Variants in ZC4H2 observed in about 807,000 individuals in gnomAD.
ZC4H2 encodes the protein zinc finger C4H2 domain-containing protein.
For synonymous variants in ZC4H2, 84 were observed against 66.3 expected (o/e 1.27, Z -1.30); for missense variants, 137 against 173.9 (o/e 0.79, Z 1.19).
At chrX:65,005,792 A>AT (rs1352645792) in intron 1 of ZC4H2, among the ~76,000 whole-genome samples, 1 of 110,453 alleles carries the variant, frequency 9.1e-6, no homozygotes, top group Non-Finnish European at 1.9e-5. Context: ...ATGGGAGAGT[A>AT]TTTTTGCAAT....
chrX:64,919,271 C>T, intron 3 of ZC4H2, 67 bp from the exon 4 acceptor site: 1 of 1,145,447 alleles, frequency 8.7e-7, no homozygotes, highest in Non-Finnish European at 1.2e-6. Flanking sequence ...CTCTTAAAGA[C>T]TCCATGCCAT....
chrX:64,961,246 T>G (rs1931379111), intron 1 of ZC4H2, among the ~76,000 whole-genome samples: 1 of 111,778 alleles, frequency 8.9e-6, no homozygotes, highest in African/African-American at 3.2e-5. Context: ...TTTAACCAAA[T>G]GAAGTTGTCC....
At chrX:64,953,228 A>G (rs1307471586) in intron 1 of ZC4H2, among the ~76,000 whole-genome samples, 2 of 111,997 alleles carry the variant, frequency 1.8e-5, no homozygotes, top group African/African-American at 6.5e-5. Flanking sequence ...TTAGAAGAAA[A>G]CCTAGGCAAT....
intron 1 of ZC4H2, among the ~76,000 whole-genome samples, chrX:64,949,971 T>C (rs1324745667): frequency 1.8e-5 from 2 of 112,106 alleles, no homozygotes; most frequent in Non-Finnish European, 3.8e-5. Flanking sequence ...TCCTACTTTC[T>C]CTTGTGGGCA....
At chrX:64,982,469 A>G (rs898384824) in intron 1 of ZC4H2, among the ~76,000 whole-genome samples, 7 of 112,665 alleles carry the variant, frequency 6.2e-5, no homozygotes, top group Non-Finnish European at 1.3e-4. Context: ...TTACAGGTCA[A>G]TATCCCTCAT....
intron 1 of ZC4H2, among the ~76,000 whole-genome samples, chrX:64,989,005 G>A (rs1381668676): frequency 2.7e-5 from 3 of 112,017 alleles, no homozygotes; most frequent in Non-Finnish European, 5.6e-5. Flanking sequence ...TTTTTGTCAA[G>A]TTTGTCAAAG....
At chrX:65,024,243 GAACTTAAAGTATAATAAAAAA>G (rs1476016685) in intron 1 of ZC4H2, among the ~76,000 whole-genome samples, 5 of 110,439 alleles carry the variant, frequency 4.5e-5, no homozygotes, top group Admixed American at 9.9e-5. Context: ...ATGTACCCCA[GAACTTAAAGTATAATAAAAAA>G]AAGTTTACCA....
At chrX:64,978,196 G>A (rs1932005643), upstream of ZC4H2, among the ~76,000 whole-genome samples, 1 of 111,821 alleles carries the variant, frequency 8.9e-6, no homozygotes, top group South Asian at 3.8e-4. Flanking sequence ...GTATTTTGTA[G>A]GAGCTTGAGA....
At chrX:64,952,869 C>T (rs1245133708) in intron 1 of ZC4H2, among the ~76,000 whole-genome samples, 2 of 111,171 alleles carry the variant, frequency 1.8e-5, no homozygotes, top group Admixed American at 9.6e-5. Context: ...GCCAAGTCAA[C>T]CCTAAGCCAA....
intron 1 of ZC4H2, among the ~76,000 whole-genome samples, chrX:64,984,161 G>A (rs1431573240): frequency 9.1e-6 from 1 of 109,661 alleles, no homozygotes; most frequent in African/African-American, 3.3e-5. Flanking sequence ...CCTTTGTTTA[G>A]TTTCCACTTA....
intron 1 of ZC4H2, among the ~76,000 whole-genome samples, chrX:64,981,981 C>G (rs746779247): frequency 5.4e-5 from 6 of 111,304 alleles, no homozygotes; most frequent in Non-Finnish European, 7.5e-5. Context: ...TCTTTCTCAC[C>G]TACCCAATGT....
intron 1 of ZC4H2, among the ~76,000 whole-genome samples, chrX:64,989,947 C>T (rs954026569): frequency 8.9e-6 from 1 of 111,823 alleles, no homozygotes; most frequent in African/African-American, 3.3e-5. Flanking sequence ...AACGGTACAA[C>T]CATTATGGAC....
intron 1 of ZC4H2, among the ~76,000 whole-genome samples, chrX:64,974,973 CAAAAAAAAAAAAAAA>C: frequency 2.8e-5 from 1 of 35,848 alleles, no homozygotes; most frequent in East Asian, 1.2e-3. Flanking sequence ...ATGCTTTTGC[CAAAAAAAAAAAAAAA>C]AAAAAAAAAA....
chrX:65,000,271 G>A (rs985428301), intron 1 of ZC4H2, among the ~76,000 whole-genome samples: 23 of 112,011 alleles, frequency 2.1e-4, no homozygotes, highest in Middle Eastern at 4.2e-3. Flanking sequence ...TTGCTCTTCC[G>A]CAGCCTCTGC....
At chrX:64,983,675 T>C (rs983890433) in intron 1 of ZC4H2, among the ~76,000 whole-genome samples, 4 of 112,297 alleles carry the variant, frequency 3.6e-5, no homozygotes, top group African/African-American at 1.3e-4. Context: ...ATATATAGTG[T>C]ATGTTAGCAC....
At chrX:64,999,527 A>G (rs1258326607) in intron 1 of ZC4H2, among the ~76,000 whole-genome samples, 2 of 112,294 alleles carry the variant, frequency 1.8e-5, no homozygotes, top group African/African-American at 6.5e-5. Flanking sequence ...TTGGGCAGAC[A>G]CTGAGCTAGC....
intron 1 of ZC4H2, among the ~76,000 whole-genome samples, chrX:64,945,092 C>T (rs1258277686): frequency 8.9e-6 from 1 of 112,964 alleles, no homozygotes; most frequent in Non-Finnish European, 1.9e-5. Context: ...TTTCGTCAAA[C>T]TCTTGCTCCA....
At chrX:64,987,391 A>T (rs1210897664) in intron 1 of ZC4H2, among the ~76,000 whole-genome samples, 1 of 109,841 alleles carries the variant, frequency 9.1e-6, no homozygotes, top group Non-Finnish European at 1.9e-5. Context: ...GTGGTGGAAA[A>T]GACATGGATC....
At chrX:65,017,177 T>C (rs147062447) in intron 1 of ZC4H2, among the ~76,000 whole-genome samples, 156 of 112,252 alleles carry the variant, frequency 1.4e-3, no homozygotes, top group African/African-American at 4.9e-3. Flanking sequence ...ATAGTCAAGA[T>C]GATGGTCAGC....
Sources: allele counts gnomAD v4.1 joint callset (sites outside exome capture counted in the v4.1 genomes callset), GRCh38; gene constraint gnomAD v4.1.1; transcripts MANE v1.5; gene names NCBI Gene and HGNC (gene_info 2026-07-23, HGNC 2026-07-21).